CLEC4G: variants seen among roughly 807,000 people sequenced by gnomAD.
The protein encoded by CLEC4G is C-type lectin superfamily 4, member G.
In CLEC4G, 34 loss-of-function variants were observed where a neutral mutation model predicts 37.0. The observed-to-expected ratio is 0.92, with a 90% confidence interval of 0.70 to 1.22. The LOEUF is 1.22. Among genes scored for constraint, CLEC4G ranks in the 50% most tolerant of loss-of-function variants. The probability of loss-of-function intolerance (pLI) is 0.00; values close to 1 mark genes in which losing one functional copy is unlikely to be tolerated. For missense variants in CLEC4G, 390 were observed against 392.9 expected (o/e 0.99, Z 0.06); for synonymous variants, 167 against 165.6 (o/e 1.01, Z -0.06).
Position 7,729,999 on chromosome 19 carries a change from C to T in CLEC4G, c.627+20G>A. 2 of 1,599,562 alleles carry T rather than the reference C, an allele frequency of 1.3e-6. No homozygotes were observed. The highest frequency in any genetic ancestry group is 1.7e-6 in the Non-Finnish European group (2 of 1,174,042). ...CCCGCCCTGCCCCACCGCCTGACCA[C>T]GCCCCCTCCCCCTGCGCACCTGCTC... On this transcript the variant is annotated intron_variant, in intron 7 of 8. Transcript: ENST00000328853.
chr19:7,729,398 C>T lies in CLEC4G; in HGVS notation c.850G>A (p.Gly284Ser). 3 of 1,609,366 alleles carry T rather than the reference C, an allele frequency of 1.9e-6. No individual in the cohort carries two copies. Among genetic ancestry groups the T allele is most frequent in the African/African-American group, 1.3e-5 (1 of 74,926 alleles). ...NDAPCDSEKDGWICEKRHNC is the reference protein window; with the variant it reads ...NDAPCDSEKDSWICEKRHNC Reference sequence around the variant, plus strand: ...TTGTGCCTTTTCTCACAGATCCAGCCGTCCTTCTCGCTGTCACACGGTGCG... The same window carrying T: ...TTGTGCCTTTTCTCACAGATCCAGCTGTCCTTCTCGCTGTCACACGGTGCG... The change falls in exon 9 of 9, where the codon GGC becomes AGC. Residue 284 changes from glycine (G) to serine (S), a missense_variant. Coordinates refer to ENST00000328853, the MANE Select transcript of CLEC4G (RefSeq NM_198492.4).
In CLEC4G at chr19:7,730,939, C is replaced by T; in HGVS notation, c.284-80G>A. 1 of 1,490,834 alleles carries T rather than the reference C, an allele frequency of 6.7e-7. No individual in the cohort carries two copies. The highest frequency in any genetic ancestry group is 1.3e-5 in the South Asian group (1 of 78,506). The allele number at this position is 1,490,834 out of a possible 1,614,324, so 92.4% of individuals were successfully genotyped here. The stretch of plus-strand genomic sequence containing the variant: ...GAGACCAGCCCCCGCCCCGCACCAC[C>T]CGCCGCAGGCCTCCGCCCCGGCCCC... On this transcript the variant is annotated intron_variant, in intron 4 of 8. Transcript: ENST00000328853. The surrounding 1 kb of genome is among the most constrained non-coding windows in gnomAD (Gnocchi z 7.3).
Position 7,730,326 on chromosome 19 carries a change from GC to G in CLEC4G, c.478+24del. 2.5e-6 allele frequency: 4 copies of G among 1,587,980 alleles called. No individual in the cohort carries two copies. Among genetic ancestry groups the G allele is most frequent in the Non-Finnish European group, 1.7e-6 (2 of 1,170,850 alleles). On this transcript the variant is annotated intron_variant, in intron 6 of 8. Transcript: ENST00000328853. The surrounding 1 kb of genome is among the most constrained non-coding windows in gnomAD (Gnocchi z 7.3). The stretch of plus-strand genomic sequence containing the variant: ...GGGTCCGCTTACGCCCTCACAGCCC[GC>G]CCCCGACCCCCCGTCTCGCTCACTG...
rs1009634779 is a variant in CLEC4G at position 7,730,710 on chromosome 19, G to C, written c.388+45C>G. The C allele has an allele frequency of 5.3e-6, 8 of 1,508,500 alleles. No homozygotes were observed. 93.4% of individuals were successfully genotyped at this position (1,508,500 alleles called of 1,614,324 possible). On this transcript the variant is annotated intron_variant, in intron 5 of 8. Transcript: ENST00000328853. This position sits in a 1 kb window ranked among gnomAD's most constrained non-coding sequence, Gnocchi z 7.3. The stretch of plus-strand genomic sequence containing the variant: ...GCACTCAGGACGGGGTCGGGGTCGG[G>C]GGACGCGGCCAGGGCTCAGGGCCGG...
At position 7,730,927 on chromosome 19, in the gene CLEC4G, GCC is replaced by G. The variant is rs1028262575; in HGVS notation, c.284-70_284-69del. 1.8e-5 allele frequency: 26 copies of G among 1,465,896 alleles called. No homozygotes were observed. The highest frequency in any genetic ancestry group is 1.6e-4 in the African/African-American group (11 of 67,012). The allele number at this position is 1,465,896 out of a possible 1,614,324, so 90.8% of individuals were successfully genotyped here. ...GGCGGGACTTCGGAGACCAGCCCCCGCCCCGCACCACCCGCCGCAGGCCTCCG... is the reference window on the plus strand; with the variant it reads ...GGCGGGACTTCGGAGACCAGCCCCCGCCGCACCACCCGCCGCAGGCCTCCG... On this transcript the variant is annotated intron_variant, in intron 4 of 8. Transcript: ENST00000328853. The surrounding 1 kb of genome is among the most constrained non-coding windows in gnomAD (Gnocchi z 7.3).
In CLEC4G at chr19:7,729,232, G is replaced by C. The variant is rs1286024425; in HGVS notation, c.*134C>G. 2 of 728,392 alleles carry C rather than the reference G, an allele frequency of 2.7e-6. No individual in the cohort carries two copies. Among genetic ancestry groups the C allele is most frequent in the Non-Finnish European group, 5.0e-6 (2 of 403,132 alleles). The allele number at this position is 728,392 out of a possible 1,614,324, so 45.1% of individuals were successfully genotyped here. On this transcript the variant is annotated 3_prime_UTR_variant, in exon 9 of 9. Transcript: ENST00000328853. ...GCTGGACAGGGCTATGTTGGGCCAA[G>C]TGTTTCTGAGACTCAGCAGCGGTGG... is the stretch of plus-strand genomic sequence containing the variant.
rs771737816 is a variant in CLEC4G at position 7,730,149 on chromosome 19, G to A, written c.497C>T (p.Pro166Leu). 1 of 1,612,870 alleles carries A rather than the reference G, an allele frequency of 6.2e-7. No homozygotes were observed. ...RLQNNSCEPCPTSWLSFEGSC... is the reference protein window; with the variant it reads ...RLQNNSCEPCLTSWLSFEGSC... Reference sequence around the variant, plus strand: ...GCCCTCGAAGGACAGCCACGACGTGGGGCACGGCTCGCAGGAGTCTGCGGG... The same window carrying A: ...GCCCTCGAAGGACAGCCACGACGTGAGGCACGGCTCGCAGGAGTCTGCGGG... The change falls in exon 7 of 9, where the codon CCC becomes CTC. Residue 166 changes from proline to leucine, a missense_variant. Coordinates refer to ENST00000328853, the MANE Select transcript of CLEC4G (RefSeq NM_198492.4). The surrounding 1 kb of genome is among the most constrained non-coding windows in gnomAD (Gnocchi z 7.3).
rs1599458582 is a variant in CLEC4G, at chr19:7,730,500, C to G, written c.389-60G>C. 15 of 1,579,668 alleles carry G rather than the reference C, an allele frequency of 9.5e-6. No homozygotes were observed. In the East Asian group the frequency reaches 3.4e-4, roughly 35 times the overall value. On this transcript the variant is annotated intron_variant, in intron 5 of 8. Transcript: ENST00000328853. This position sits in a 1 kb window ranked among gnomAD's most constrained non-coding sequence, Gnocchi z 7.3. ...GTCAGGGCCAGGACCAGGGTCATGA[C>G]TAGCTAAAGGTCAGGACCCCTGTCT...
At position 7,730,291 on chromosome 19, in the gene CLEC4G, A is replaced by G. The variant is rs1262335532; in HGVS notation, c.478+60T>C. 15 of 1,579,264 alleles carry G rather than the reference A, an allele frequency of 9.5e-6. No homozygotes were observed. Among genetic ancestry groups the G allele is most frequent in the Non-Finnish European group, 1.2e-5 (14 of 1,166,172 alleles). ...GAGACACAGAACCAGGCCAAGGTCC[A>G]GGAGTGACAGGGTCCGCTTACGCCC... On this transcript the variant is annotated intron_variant, in intron 6 of 8. Coordinates refer to ENST00000328853, the MANE Select transcript of CLEC4G (RefSeq NM_198492.4). This position sits in a 1 kb window ranked among gnomAD's most constrained non-coding sequence, Gnocchi z 7.3.
At position 7,730,104 on chromosome 19, in the gene CLEC4G, A is replaced by T. The variant is rs751865095; in HGVS notation, c.542T>A (p.Val181Glu). The change falls in exon 7 of 9, where the codon GTG becomes GAG. Residue 181 changes from valine to glutamate, a missense_variant. Transcript: ENST00000328853. This position sits in a 1 kb window ranked among gnomAD's most constrained non-coding sequence, Gnocchi z 7.3. ...CGCCGCCGCCCACGTCGTCTTTGGC[A>T]CAGAGAAAAAGTAGCAGGAGCCCTC... Reference protein sequence around the residue: ...SFEGSCYFFSVPKTTWAAAQD... With the variant: ...SFEGSCYFFSEPKTTWAAAQD... The T allele has an allele frequency of 9.3e-6, 15 of 1,611,924 alleles. No homozygotes were observed. The highest frequency in any genetic ancestry group is 6.8e-6 in the Non-Finnish European group (8 of 1,179,460).
rs775592911 is a variant in CLEC4G, at chr19:7,729,158, G to A, written c.*208C>T. The stretch of plus-strand genomic sequence containing the variant: ...TGGAGGTTAGGTTGGGTCTGCGTGA[G>A]TGGAGTTAGGATGAGGTCGGCATGG... On this transcript the variant is annotated 3_prime_UTR_variant, in exon 9 of 9. Coordinates refer to ENST00000328853, the MANE Select transcript of CLEC4G (RefSeq NM_198492.4). 7 of 685,314 alleles carry A rather than the reference G, an allele frequency of 1.0e-5. No homozygotes were observed. The highest frequency in any genetic ancestry group is 1.9e-5 in the Non-Finnish European group (7 of 373,670). The allele number at this position is 685,314 out of a possible 1,614,324, so 42.5% of individuals were successfully genotyped here.
At position 7,731,656 on chromosome 19, in the gene CLEC4G, C is replaced by T. The variant is rs199797011; in HGVS notation, c.166+5G>A. On this transcript the variant is annotated splice_donor_5th_base_variant and intron_variant, in intron 2 of 8. Transcript: ENST00000328853. ...TGCAACACCTCCCCATTGAGAGTCACTCACCCTTGGACAATAGGATACTCA... is the reference window on the plus strand; with the variant it reads ...TGCAACACCTCCCCATTGAGAGTCATTCACCCTTGGACAATAGGATACTCA... 1.9e-6 allele frequency: 3 copies of T among 1,613,482 alleles called. No individual in the cohort carries two copies. Among genetic ancestry groups the T allele is most frequent in the East Asian group, 2.2e-5 (1 of 44,878 alleles).
rs1468704343 is a variant in CLEC4G, at chr19:7,729,263, G to A, written c.*103C>T. The A allele has an allele frequency of 1.2e-6, 1 of 806,864 alleles. No homozygotes were observed. The highest frequency in any genetic ancestry group is 2.2e-6 in the Non-Finnish European group (1 of 459,716). 50.0% of individuals were successfully genotyped at this position (806,864 alleles called of 1,614,324 possible). On this transcript the variant is annotated 3_prime_UTR_variant, in exon 9 of 9. Coordinates refer to ENST00000328853, the MANE Select transcript of CLEC4G (RefSeq NM_198492.4). ...CTGAGACTCAGCAGCGGTGGATGAGGAAGAAAAAACTCTTTGGCAATCAGC... is the reference window on the plus strand; with the variant it reads ...CTGAGACTCAGCAGCGGTGGATGAGAAAGAAAAAACTCTTTGGCAATCAGC...
In CLEC4G at chr19:7,729,408, G is replaced by C. The variant is rs896867457; in HGVS notation, c.840C>G (p.Ser280Arg). Residue 280 changes from serine (S) to arginine (R), a missense_variant, in exon 9 of 9, where the codon AGC becomes AGG. Transcript: ENST00000328853. ...TGLWNDAPCD[S>R]EKDGWICEKR... Reference sequence around the variant, plus strand: ...TCTCACAGATCCAGCCGTCCTTCTCGCTGTCACACGGTGCGTCGTTCCACA... The same window carrying C: ...TCTCACAGATCCAGCCGTCCTTCTCCCTGTCACACGGTGCGTCGTTCCACA... 1 of 1,607,880 alleles carries C rather than the reference G, an allele frequency of 6.2e-7. No homozygotes were observed. Among genetic ancestry groups the C allele is most frequent in the Admixed American group, 1.7e-5 (1 of 60,008 alleles).
Position 7,729,015 on chromosome 19 carries a change from C to A in CLEC4G, c.*351G>T. 2.6e-6 allele frequency: 1 copy of A among 390,228 alleles called. No homozygotes were observed. The highest frequency in any genetic ancestry group is 5.0e-6 in the Non-Finnish European group (1 of 201,940). The allele number at this position is 390,228 out of a possible 1,614,324, so 24.2% of individuals were successfully genotyped here. A position where few individuals can be genotyped will look rare whatever the true frequency, so the allele number is the denominator to read the frequency against. On this transcript the variant is annotated 3_prime_UTR_variant, in exon 9 of 9. Transcript: ENST00000328853. ...TTCCTCAGGCTGCAAAAACAGCTTC[C>A]AGTTTGGTGGAAAATGCGAGAAAAC...
In CLEC4G at chr19:7,730,049, G is replaced by C; in HGVS notation, c.597C>G (p.His199Gln). Residue 199 changes from histidine to glutamine, a missense_variant, in exon 7 of 9, where the codon CAC becomes CAG. His to Gln is a conservative substitution (Grantham distance 24). Coordinates refer to ENST00000328853, the MANE Select transcript of CLEC4G (RefSeq NM_198492.4). The surrounding 1 kb of genome is among the most constrained non-coding windows in gnomAD (Gnocchi z 7.3). ...AQDHCADASA[H>Q]LVIVGGLDEQ... is the part of the protein sequence containing the mutation. ...CATCCAGGCCCCCAACGATCACCAG[G>C]TGCGCGCTGGCATCTGCGCAGTGAT... The C allele has an allele frequency of 1.9e-6, 3 of 1,603,562 alleles. No individual in the cohort carries two copies. Among genetic ancestry groups the C allele is most frequent in the South Asian group, 2.2e-5 (2 of 90,190 alleles).
At chr19:7,731,397 A>G (rs1429784064) in intron 2 of CLEC4G, 78 bp from the exon 3 acceptor site, 13 of 1,519,944 alleles carry the variant, frequency 8.6e-6, no homozygotes, top group Admixed American at 6.0e-5. Context: ...GCGTCCCCCA[A>G]CTCGGGAGCA....
In CLEC4G at chr19:7,730,246, G is replaced by GC; in HGVS notation, c.479-80dup. 6.3e-7 allele frequency: 1 copy of GC among 1,576,680 alleles called. No homozygotes were observed. The highest frequency in any genetic ancestry group is 1.1e-5 in the South Asian group (1 of 87,834). On this transcript the variant is annotated intron_variant, in intron 6 of 8. Transcript: ENST00000328853. The surrounding 1 kb of genome is among the most constrained non-coding windows in gnomAD (Gnocchi z 7.3). ...AGAGGATGCAGTGGGTAGGGGTTCG[G>GC]CCCCGCGGGCTCAGGGGTGGAGACA... is the stretch of plus-strand genomic sequence containing the variant.
In CLEC4G at chr19:7,731,131, T is replaced by C. The variant is rs768157629; in HGVS notation, c.221-43A>G. On this transcript the variant is annotated intron_variant, in intron 3 of 8. Coordinates refer to ENST00000328853, the MANE Select transcript of CLEC4G (RefSeq NM_198492.4). ...CCAAAATGCATGCCCCTCGGGTCAC[T>C]TGGGAGGACTCAGGGGACCCCCTTC... The C allele has an allele frequency of 8.7e-6, 14 of 1,602,116 alleles. No individual in the cohort carries two copies. The South Asian group carries it at 1.3e-4, about 15-fold the overall frequency.
Sources: allele counts gnomAD v4.1 joint callset, GRCh38; gene constraint gnomAD v4.1.1; non-coding constraint Gnocchi (gnomAD v3.1); transcripts MANE v1.5; gene names NCBI Gene and HGNC (gene_info 2026-07-23, HGNC 2026-07-21).